The following WBP2 variants were observed in gnomAD, a reference collection of about 807,000 sequenced individuals.
The protein encoded by WBP2 is WW domain binding protein 2.
In WBP2, 23 loss-of-function variants were observed where a neutral mutation model predicts 33.0. The observed-to-expected ratio is 0.70, with a 90% confidence interval of 0.50 to 0.99. WBP2 has a LOEUF of 0.99. WBP2 is among the 50% of genes least tolerant of loss of function. The pLI, the probability that WBP2 is intolerant of heterozygous loss-of-function variation, is 0.00. For missense variants in WBP2, 353 were observed against 358.0 expected (o/e 0.99, Z 0.11); for synonymous variants, 153 against 133.5 (o/e 1.15, Z -1.01).
Position 75,848,668 on chromosome 17 carries a change from A to G in WBP2, c.305-6T>C. ...AGCAGAGCCTTCCCAGCCACCTGAA[A>G]GGGGAAGGACAGTGAATAAACAGCA... On this transcript the variant is annotated splice_polypyrimidine_tract_variant and splice_region_variant and intron_variant, in intron 3 of 7. Coordinates refer to ENST00000254806, the MANE Select transcript of WBP2 (RefSeq NM_012478.4). 1 of 1,611,436 alleles carries G rather than the reference A, an allele frequency of 6.2e-7. No homozygotes were observed. Among genetic ancestry groups the G allele is most frequent in the South Asian group, 1.1e-5 (1 of 90,776 alleles).
Position 75,847,929 on chromosome 17 carries a change from G to A in WBP2, c.399C>T (p.Ala133=), listed in dbSNP as rs1228389596. The A allele has an allele frequency of 3.2e-6, 5 of 1,564,274 alleles. No individual in the cohort carries two copies. The highest frequency in any genetic ancestry group is 1.4e-5 in the African/African-American group (1 of 73,518). ...CTCCACTGGGGACTTCACCTCTGGA[G>A]GCTACGAGTACAAGGGGAAAGAGAA... ...GQRMLQVASQ[A]SRGEVPSGAY... The change falls in exon 5 of 8, where the codon GCC becomes GCT. Residue 133 remains alanine (A), a splice_region_variant and synonymous_variant. Transcript: ENST00000254806.
intron 3 of WBP2, chr17:75,849,060 CT>C (rs1389210130): frequency 6.9e-6 from 2 of 289,500 alleles, no homozygotes; most frequent in East Asian, 1.7e-4. Context: ...GAGCAGACCT[CT>C]CGTCCTAAGG....
rs748961284 is a variant in WBP2, at chr17:75,846,527, T to G, written c.*207A>C. 1.5e-5 allele frequency: 10 copies of G among 653,208 alleles called. No homozygotes were observed. Among genetic ancestry groups the G allele is most frequent in the Non-Finnish European group, 2.4e-5 (9 of 371,084 alleles). 40.5% of individuals were successfully genotyped at this position (653,208 alleles called of 1,614,324 possible). On this transcript the variant is annotated 3_prime_UTR_variant, in exon 8 of 8. Coordinates refer to ENST00000254806, the MANE Select transcript of WBP2 (RefSeq NM_012478.4). The surrounding 1 kb of genome is among the most constrained non-coding windows in gnomAD (Gnocchi z 4.8). Reference sequence around the variant, plus strand: ...GAGGGAGGTACGCTGGGCAGCACTGTGGGCTCCGGGCTGGCATGGGAAGCT... The same window carrying G: ...GAGGGAGGTACGCTGGGCAGCACTGGGGGCTCCGGGCTGGCATGGGAAGCT...
intron 3 of WBP2, chr17:75,849,361 A>C: frequency 2.1e-6 from 1 of 475,060 alleles, no homozygotes; most frequent in South Asian, 3.4e-5. Context: ...AAGCATCTTG[A>C]CTCAGTCCGC....
upstream of WBP2, among the ~76,000 whole-genome samples, chr17:75,855,951 G>T (rs1029685179): frequency 1.3e-5 from 2 of 152,236 alleles, no homozygotes. Flanking sequence ...GAGCCCGGGG[G>T]GCGGGGAGAG....
intron 6 of WBP2, 132 bp from the exon 7 acceptor site, chr17:75,847,116 G>A: frequency 2.1e-6 from 2 of 965,084 alleles, no homozygotes; most frequent in South Asian, 1.5e-5. Flanking sequence ...AGCAGCAGGT[G>A]AGGTTTCCTG....
In WBP2 at chr17:75,851,416, T is replaced by C. The variant is rs1484465336; in HGVS notation, c.168+152A>G. On this transcript the variant is annotated intron_variant, in intron 2 of 7. Coordinates refer to ENST00000254806, the MANE Select transcript of WBP2 (RefSeq NM_012478.4). ...CTGGTGATTCTGGAATCCAGGAGCA[T>C]GTGACAGAGAAACAGGCAGAGTGAA... 8.1e-6 allele frequency: 5 copies of C among 617,906 alleles called. No homozygotes were observed. The East Asian group carries it at 1.4e-4, about 17-fold the overall frequency. 38.3% of individuals were successfully genotyped at this position (617,906 alleles called of 1,614,324 possible). A position where few individuals can be genotyped will look rare whatever the true frequency, so the allele number is the denominator to read the frequency against.
chr17:75,848,711 T>C lies in WBP2; in HGVS notation c.305-49A>G, dbSNP rs112161469. 3,586 of 1,523,990 alleles carry C rather than the reference T, an allele frequency of 2.4e-3. 62 individuals carry two copies. The African/African-American group carries it at 0.039, about 17-fold the overall frequency. 94.4% of individuals were successfully genotyped at this position (1,523,990 alleles called of 1,614,324 possible). On this transcript the variant is annotated intron_variant, in intron 3 of 7. Coordinates refer to ENST00000254806, the MANE Select transcript of WBP2 (RefSeq NM_012478.4). Reference sequence around the variant, plus strand: ...AAACAGCACAGGAAAAGAAAACTTATGCCCAAAGAGATGGCTGTTTTCCTC... The same window carrying C: ...AAACAGCACAGGAAAAGAAAACTTACGCCCAAAGAGATGGCTGTTTTCCTC...
chr17:75,855,675 C>T (rs1431881789), upstream of WBP2, among the ~76,000 whole-genome samples: 1 of 152,236 alleles, frequency 6.6e-6, no homozygotes, highest in African/African-American at 2.4e-5. Context: ...CGGAAATAAA[C>T]AGTTCCGCTC....
At chr17:75,853,667 C>T (rs1204231706) in intron 1 of WBP2, among the ~76,000 whole-genome samples, 2 of 152,104 alleles carry the variant, frequency 1.3e-5, no homozygotes, top group Non-Finnish European at 2.9e-5. Context: ...AAAAGGTTCA[C>T]ACGGTTCTGT....
intron 1 of WBP2, among the ~76,000 whole-genome samples, chr17:75,853,642 T>C (rs1282090401): frequency 6.6e-6 from 1 of 152,158 alleles, no homozygotes; most frequent in Non-Finnish European, 1.5e-5. Context: ...GTGAGGTGTC[T>C]CTGATTACAT....
intron 5 of WBP2, 31 bp downstream of exon 5, chr17:75,847,765 G>T (rs1009738198): frequency 6.5e-7 from 1 of 1,542,138 alleles, no homozygotes; most frequent in Non-Finnish European, 8.8e-7. Context: ...GGGCTCATGA[G>T]GGGAGTGGGG....
intron 3 of WBP2, chr17:75,849,036 G>A (rs905419940): frequency 1.6e-5 from 5 of 310,394 alleles, no homozygotes; most frequent in Non-Finnish European, 3.1e-5. Flanking sequence ...AGCAACAGCC[G>A]ACCTTAAAAT....
rs751974141 is a variant in WBP2, at chr17:75,849,732, A to C, written c.176T>G (p.Phe59Cys). Residue 59 changes from phenylalanine to cysteine, a missense_variant, in exon 3 of 8, where the codon TTT becomes TGT. Coordinates refer to ENST00000254806, the MANE Select transcript of WBP2 (RefSeq NM_012478.4). ...TVYLTPYRVI[F>C]LSKGKDAMQS... Reference sequence around the variant, plus strand: ...CATGGCATCCTTGCCCTTGGACAGAAAGATGACCTGCAGGGAGAGAGGGTG... The same window carrying C: ...CATGGCATCCTTGCCCTTGGACAGACAGATGACCTGCAGGGAGAGAGGGTG... The C allele has an allele frequency of 1.2e-6, 2 of 1,613,966 alleles. No homozygotes were observed. Among genetic ancestry groups the C allele is most frequent in the Non-Finnish European group, 1.7e-6 (2 of 1,180,018 alleles).
At chr17:75,854,842 G>T (rs2065047999) in intron 1 of WBP2, among the ~76,000 whole-genome samples, 1 of 152,166 alleles carries the variant, frequency 6.6e-6, no homozygotes, top group African/African-American at 2.4e-5. Context: ...ATACTGCACA[G>T]AATTTATTAA....
chr17:75,848,571 T>G lies in WBP2; in HGVS notation c.396A>C (p.Gln132His). The change falls in exon 4 of 8, where the codon CAA (glutamine) becomes CAC (histidine). Residue 132 changes from glutamine (Q) to histidine (H), a missense_variant and splice_region_variant. Transcript: ENST00000254806. Reference protein sequence around the residue: ...FGQRMLQVASQASRGEVPSGA... With the variant: ...FGQRMLQVASHASRGEVPSGA... ...CCCTAATCTTCGGAGCCTGGATACC[T>G]TGAGATGCCACCTGGAGCATCCGCT... 6.2e-7 allele frequency: 1 copy of G among 1,613,716 alleles called. No homozygotes were observed. Among genetic ancestry groups the G allele is most frequent in the Non-Finnish European group, 8.5e-7 (1 of 1,179,764 alleles).
At chr17:75,854,814 T>A (rs1269641838) in intron 1 of WBP2, among the ~76,000 whole-genome samples, 2 of 152,202 alleles carry the variant, frequency 1.3e-5, no homozygotes, top group Non-Finnish European at 2.9e-5. Context: ...ACCTGTGAAA[T>A]GTGGACAGTA....
upstream of WBP2, among the ~76,000 whole-genome samples, chr17:75,856,086 C>T (rs376590667): frequency 1.7e-3 from 253 of 152,334 alleles, 1 homozygote; most frequent in African/African-American, 5.8e-3. Context: ...TAGCGCCCAG[C>T]GGGGTCCCGG....
chr17:75,848,616 C>T lies in WBP2; in HGVS notation c.351G>A (p.Gly117=), dbSNP rs746643574. The T allele has an allele frequency of 1.2e-6, 2 of 1,614,118 alleles. No individual in the cohort carries two copies. The highest frequency in any genetic ancestry group is 1.7e-6 in the Non-Finnish European group (2 of 1,179,978). Residue 117 remains glycine, a synonymous_variant, in exon 4 of 8, where the codon GGG becomes GGA. Transcript: ENST00000254806. ...TCCGCTGTCCGAACTCAATGGCGCC[C>T]CCTGCCGTGAAAGTCAACTTGTAGG... ...SASYKLTFTA[G]GAIEFGQRML... is the part of the protein sequence containing the mutation.
Sources: allele counts gnomAD v4.1 joint callset (sites outside exome capture counted in the v4.1 genomes callset), GRCh38; gene constraint gnomAD v4.1.1; non-coding constraint Gnocchi (gnomAD v3.1); transcripts MANE v1.5; gene names NCBI Gene and HGNC (gene_info 2026-07-23, HGNC 2026-07-21).